The following HS6ST3 variants were observed in gnomAD, a reference collection of about 807,000 sequenced individuals.
HS6ST3 encodes the protein heparan sulfate 6-O-sulfotransferase 3.
In HS6ST3, 12 loss-of-function variants were observed where a neutral mutation model predicts 36.7. That is an observed-to-expected ratio of 0.33 (90% CI 0.21 to 0.53). The LOEUF is 0.53. HS6ST3 is among the 20% of genes least tolerant of loss of function. The pLI is 0.95. For synonymous variants in HS6ST3, 240 were observed against 257.5 expected (o/e 0.93, Z 0.65); for missense variants, 584 against 640.9 (o/e 0.91, Z 0.96).
intron 1 of HS6ST3, among the ~76,000 whole-genome samples, chr13:96,124,916 T>A (rs1214020053): frequency 6.6e-6 from 1 of 152,154 alleles, no homozygotes; most frequent in Non-Finnish European, 1.5e-5. Flanking sequence ...TATAGAGATA[T>A]ACCATACTCT....
chr13:96,417,560 C>T (rs1408700917), intron 1 of HS6ST3, among the ~76,000 whole-genome samples: 1 of 149,698 alleles, frequency 6.7e-6, no homozygotes, highest in Non-Finnish European at 1.5e-5. Flanking sequence ...ATAGAGGGCC[C>T]AGCATGGTGA....
At chr13:96,368,697 T>C (rs917651357) in intron 1 of HS6ST3, among the ~76,000 whole-genome samples, 4 of 152,170 alleles carry the variant, frequency 2.6e-5, no homozygotes, top group African/African-American at 9.7e-5. Flanking sequence ...TAGAAATCAT[T>C]CCATCCATTT....
chr13:96,386,976 TG>T (rs2055371642), intron 1 of HS6ST3, among the ~76,000 whole-genome samples: 8 of 152,158 alleles, frequency 5.3e-5, no homozygotes, highest in African/African-American at 1.9e-4. Context: ...TTGTCCAGGC[TG>T]GAGTGCGGTG....
intron 1 of HS6ST3, among the ~76,000 whole-genome samples, chr13:96,578,835 A>C (rs1250632792): frequency 6.6e-6 from 1 of 152,130 alleles, no homozygotes; most frequent in Non-Finnish European, 1.5e-5. Flanking sequence ...CACTGTTTTC[A>C]AGGAACTAGC....
At chr13:96,484,116 C>G (rs1279513441) in intron 1 of HS6ST3, among the ~76,000 whole-genome samples, 2 of 150,366 alleles carry the variant, frequency 1.3e-5, no homozygotes, top group African/African-American at 2.5e-5. Flanking sequence ...ATTCTTTTGC[C>G]AGTACTACAG....
At chr13:96,696,688 T>C (rs1013930404) in intron 1 of HS6ST3, among the ~76,000 whole-genome samples, 2 of 152,154 alleles carry the variant, frequency 1.3e-5, no homozygotes, top group African/African-American at 4.8e-5. Flanking sequence ...AGCACACAAA[T>C]GACCTTTATA....
At chr13:96,667,252 A>G (rs1183685236) in intron 1 of HS6ST3, among the ~76,000 whole-genome samples, 1 of 152,190 alleles carries the variant, frequency 6.6e-6, no homozygotes, top group Non-Finnish European at 1.5e-5. Context: ...TATTCTCTTA[A>G]TTTCTAAGTT....
intron 1 of HS6ST3, among the ~76,000 whole-genome samples, chr13:96,737,339 A>G (rs1387327494): frequency 1.3e-5 from 2 of 152,202 alleles, no homozygotes; most frequent in Non-Finnish European, 2.9e-5. Flanking sequence ...AAAAGAGATT[A>G]TTTTGGCCGG....
chr13:96,554,394 A>T (rs567298375), intron 1 of HS6ST3, among the ~76,000 whole-genome samples: 1 of 152,352 alleles, frequency 6.6e-6, no homozygotes, highest in Non-Finnish European at 1.5e-5. Flanking sequence ...TAAGAGTACC[A>T]TATTTAATCA....
intron 1 of HS6ST3, among the ~76,000 whole-genome samples, chr13:96,669,384 T>G (rs1454434327): frequency 7.9e-5 from 12 of 152,122 alleles, no homozygotes. Context: ...GAAAGACATG[T>G]CTTGAAATCT....
chr13:96,805,674 A>G (rs1878181985), intron 1 of HS6ST3, among the ~76,000 whole-genome samples: 1 of 152,202 alleles, frequency 6.6e-6, no homozygotes, highest in Non-Finnish European at 1.5e-5. Flanking sequence ...CTTTCAAGTA[A>G]AGAAACCAAG....
At chr13:96,313,530 C>CTTA (rs757490479) in intron 1 of HS6ST3, among the ~76,000 whole-genome samples, 2 of 152,030 alleles carry the variant, frequency 1.3e-5, no homozygotes, top group Non-Finnish European at 2.9e-5. Context: ...ATTTACGTAT[C>CTTA]TTAGGTCATG....
intron 1 of HS6ST3, among the ~76,000 whole-genome samples, chr13:96,606,198 G>C (rs1431637188): frequency 6.6e-6 from 1 of 152,096 alleles, no homozygotes; most frequent in Non-Finnish European, 1.5e-5. Context: ...ACTACCATTG[G>C]ACCCAGCAAT....
intron 1 of HS6ST3, among the ~76,000 whole-genome samples, chr13:96,324,697 AAC>A (rs1336318655): frequency 3.3e-5 from 5 of 152,218 alleles, no homozygotes; most frequent in African/African-American, 1.2e-4. Flanking sequence ...GGAACATTTG[AAC>A]ACAGAGACAC....
intron 1 of HS6ST3, among the ~76,000 whole-genome samples, chr13:96,237,315 A>G (rs1007414960): frequency 1.3e-5 from 2 of 152,014 alleles, no homozygotes; most frequent in African/African-American, 2.4e-5. Context: ...CATCTACATC[A>G]TTCTCCCCTT....
rs201630140 is a variant in HS6ST3 at position 96,468,465 on chromosome 13, GACATACAC to G, written c.708-364013_708-364006del. ...TTGAATTTTATTTAACATTTAACAG[GACATACAC>G]ACATACACACACACACACACACACA... On this transcript the variant is annotated intron_variant, in intron 1 of 1. Transcript: ENST00000376705. Among the ~76,000 whole-genome samples, 764 of 80,448 alleles carry G rather than the reference GACATACAC, an allele frequency of 9.5e-3. 5 individuals carry two copies. Among genetic ancestry groups the G allele is most frequent in the South Asian group, 0.027 (51 of 1,886 alleles). 52.8% of individuals were successfully genotyped at this position (80,448 alleles called of 152,430 possible).
chr13:96,183,097 G>A (rs2054247107), intron 1 of HS6ST3, among the ~76,000 whole-genome samples: 1 of 152,006 alleles, frequency 6.6e-6, no homozygotes, highest in Non-Finnish European at 1.5e-5. Flanking sequence ...CAAATGTTGT[G>A]GATAATAACA....
chr13:96,353,072 T>TTTTA, intron 1 of HS6ST3, among the ~76,000 whole-genome samples: 1 of 142,146 alleles, frequency 7.0e-6, no homozygotes, highest in African/African-American at 2.8e-5. Flanking sequence ...TTTTTTTTTT[T>TTTTA]GAGACGGAGT....
intron 1 of HS6ST3, among the ~76,000 whole-genome samples, chr13:96,534,829 T>A (rs1346004986): frequency 1.3e-5 from 2 of 152,050 alleles, no homozygotes; most frequent in African/African-American, 2.4e-5. Context: ...CATGGTGGTG[T>A]GTGCCTATAG....
Sources: allele counts gnomAD v4.1 joint callset (sites outside exome capture counted in the v4.1 genomes callset), GRCh38; gene constraint gnomAD v4.1.1; transcripts MANE v1.5; gene names NCBI Gene and HGNC (gene_info 2026-07-23, HGNC 2026-07-21).